CRPPA: variants seen among roughly 807,000 people sequenced by gnomAD.
The protein encoded by CRPPA is CDP-L-ribitol pyrophosphorylase A, also known as D-ribitol-5-phosphate cytidylyltransferase.
CRPPA carries 43 observed loss-of-function variants against 52.0 expected under a neutral mutation model. The observed-to-expected ratio is 0.83, with a 90% CI of 0.65 to 1.07. The LOEUF (loss-of-function observed/expected upper bound fraction) is 1.07. Among genes scored for constraint, CRPPA ranks in the 50% least tolerant of loss-of-function variants. The pLI is 0.00. For missense variants in CRPPA, 629 were observed against 551.7 expected (o/e 1.14, Z -1.40); for synonymous variants, 250 against 203.5 (o/e 1.23, Z -1.94).
At chr7:16,203,021 A>ATAC (rs1430091940) in intron 9 of CRPPA, among the ~76,000 whole-genome samples, 6 of 152,210 alleles carry the variant, frequency 3.9e-5, no homozygotes, top group Non-Finnish European at 8.8e-5. Context: ...TGTAACTTAC[A>ATAC]GTATATTTCA....
chr7:16,154,772 CAA>C (rs1338982205), intron 9 of CRPPA, among the ~76,000 whole-genome samples: 2 of 149,446 alleles, frequency 1.3e-5, no homozygotes, highest in Admixed American at 6.7e-5. Flanking sequence ...ATTCAATCTT[CAA>C]AGTTTGACAA....
intron 9 of CRPPA, among the ~76,000 whole-genome samples, chr7:16,175,893 T>C (rs1406702066): frequency 6.6e-6 from 1 of 152,172 alleles, no homozygotes; most frequent in Non-Finnish European, 1.5e-5. Flanking sequence ...ACTGTATAAA[T>C]GTCTCTCCTA....
At position 16,183,585 on chromosome 7, in the gene CRPPA, A is replaced by T. The variant is rs186403693; in HGVS notation, c.1251+32481T>A. ...GTCAAATCTATGGCCTTATAACTAT[A>T]ACTAGTGAGTTGCTTTAGAGTCCTT... is the stretch of plus-strand genomic sequence containing the variant. On this transcript the variant is annotated intron_variant, in intron 9 of 9. Transcript: ENST00000407010. 9.2e-5 allele frequency among the ~76,000 whole-genome samples: 14 copies of T among 152,278 alleles called. No individual in the cohort carries two copies. In the East Asian group the frequency reaches 2.7e-3, roughly 29 times the overall value.
intron 3 of CRPPA, 50 bp downstream of exon 3, chr7:16,376,042 T>C (rs1163285918): frequency 4.6e-6 from 7 of 1,527,062 alleles, no homozygotes; most frequent in Admixed American, 4.1e-5. Context: ...TGGAGGTTGT[T>C]TGGGGAACCT....
Position 16,089,846 on chromosome 7 carries a change from C to T in CRPPA, c.*1849G>A, listed in dbSNP as rs60843615. Reference sequence around the variant, plus strand: ...TATGTTAACTCAGCCAGCACTCCAGCGATCAGGGTGATTTTGCTGTGCCAC... The same window carrying T: ...TATGTTAACTCAGCCAGCACTCCAGTGATCAGGGTGATTTTGCTGTGCCAC... On this transcript the variant is annotated 3_prime_UTR_variant, in exon 10 of 10. Coordinates refer to ENST00000407010, the MANE Select transcript of CRPPA (RefSeq NM_001101426.4). 0.02 allele frequency: 3,248 copies of T among 164,654 alleles called. 123 individuals are homozygous for T. Among genetic ancestry groups the T allele is most frequent in the African/African-American group, 0.072 (3,018 of 41,672 alleles). 10.2% of individuals were successfully genotyped at this position (164,654 alleles called of 1,614,324 possible). A position where few individuals can be genotyped will look rare whatever the true frequency, so the allele number is the denominator to read the frequency against.
At chr7:16,183,442 G>A (rs944592671) in intron 9 of CRPPA, among the ~76,000 whole-genome samples, 31 of 152,146 alleles carry the variant, frequency 2.0e-4, no homozygotes, top group Non-Finnish European at 4.0e-4. Flanking sequence ...GTCAGAGATG[G>A]AAAGCCTGAG....
chr7:16,315,886 C>T (rs779160725), intron 3 of CRPPA, among the ~76,000 whole-genome samples: 4 of 152,150 alleles, frequency 2.6e-5, no homozygotes, highest in Non-Finnish European at 4.4e-5. Context: ...AGTCACCTGT[C>T]TGTCTCTCCA....
chr7:16,223,154 TG>T (rs1015456728), intron 8 of CRPPA, among the ~76,000 whole-genome samples: 50 of 152,240 alleles, frequency 3.3e-4, no homozygotes, highest in African/African-American at 1.2e-3. Context: ...TAGCCAGGCA[TG>T]GTGGCATGCG....
intron 2 of CRPPA, among the ~76,000 whole-genome samples, chr7:16,382,637 C>A (rs1390421024): frequency 6.6e-6 from 1 of 151,992 alleles, no homozygotes; most frequent in African/African-American, 2.4e-5. Flanking sequence ...ACCAATCAGA[C>A]GTAGATTTGG....
chr7:16,303,503 A>AAAAAAAAAAAAAAAAAAAAAAAT (rs1784839793), intron 4 of CRPPA, among the ~76,000 whole-genome samples: 1 of 138,130 alleles, frequency 7.2e-6, no homozygotes, highest in South Asian at 2.3e-4. Context: ...AAAAAAAAAA[A>AAAAAAAAAAAAAAAAAAAAAAAT]CTTTCAGAAC....
At chr7:16,311,003 A>G (rs1213561295) in intron 3 of CRPPA, among the ~76,000 whole-genome samples, 2 of 152,268 alleles carry the variant, frequency 1.3e-5, no homozygotes, top group East Asian at 3.9e-4. Context: ...TTATCCATGC[A>G]TTGTTTTCTT....
intron 9 of CRPPA, among the ~76,000 whole-genome samples, chr7:16,102,968 G>A (rs1170535624): frequency 2.0e-5 from 3 of 152,206 alleles, no homozygotes; most frequent in Middle Eastern, 6.8e-3. Context: ...TATACCCAAA[G>A]GATTATAAAT....
intron 9 of CRPPA, among the ~76,000 whole-genome samples, chr7:16,100,480 G>C (rs1218618156): frequency 1.3e-5 from 2 of 152,152 alleles, no homozygotes; most frequent in Non-Finnish European, 2.9e-5. Context: ...AGAATAATTG[G>C]CTAATTAACT....
At chr7:16,211,888 A>C (rs138964786) in intron 9 of CRPPA, among the ~76,000 whole-genome samples, 20 of 152,360 alleles carry the variant, frequency 1.3e-4, no homozygotes, top group Middle Eastern at 3.4e-3. Context: ...AGAGAAGAAC[A>C]ATTGTACTTA....
At chr7:16,369,528 T>A (rs1278923772) in intron 3 of CRPPA, among the ~76,000 whole-genome samples, 1 of 152,138 alleles carries the variant, frequency 6.6e-6, no homozygotes, top group East Asian at 1.9e-4. Context: ...TAAAACAGTA[T>A]AAAATAATAT....
At chr7:16,188,046 T>A (rs1470804735) in intron 9 of CRPPA, among the ~76,000 whole-genome samples, 1 of 136,974 alleles carries the variant, frequency 7.3e-6, no homozygotes, top group African/African-American at 3.3e-5. Context: ...GGGTGAATTT[T>A]TTTTTTTTTT....
chr7:16,346,409 C>T (rs73304492), intron 3 of CRPPA, among the ~76,000 whole-genome samples: 16,172 of 152,024 alleles, frequency 0.11, 1,093 homozygotes, highest in East Asian at 0.36. Flanking sequence ...AGGAAAAGAG[C>T]TGTGTCAGTT....
At chr7:16,136,371 G>C (rs1464913203) in intron 9 of CRPPA, among the ~76,000 whole-genome samples, 2 of 152,104 alleles carry the variant, frequency 1.3e-5, no homozygotes, top group Admixed American at 1.3e-4. Context: ...CATTGTTTCA[G>C]TTTTGTGGAT....
At chr7:16,378,820 G>C (rs1273592709) in intron 2 of CRPPA, among the ~76,000 whole-genome samples, 6 of 152,224 alleles carry the variant, frequency 3.9e-5, no homozygotes, top group African/African-American at 9.6e-5. Context: ...GTGTGAGATG[G>C]TATCTCACTG....
Sources: gnomAD v4.1 joint callset for allele counts (sites outside exome capture counted in the v4.1 genomes callset) on GRCh38, gnomAD v4.1.1 for gene constraint, MANE v1.5 for transcripts, NCBI Gene and HGNC (gene_info 2026-07-23, HGNC 2026-07-21) for gene names.